PRKCA: variants seen among roughly 807,000 people sequenced by gnomAD.
PRKCA encodes the protein protein kinase C alpha.
A neutral mutation model predicts 87.0 loss-of-function variants in PRKCA; 27 were observed. That is an observed-to-expected ratio of 0.31 (90% CI 0.23 to 0.43). The LOEUF (loss-of-function observed/expected upper bound fraction) is 0.43. Among genes scored for constraint, PRKCA ranks in the 20% least tolerant of loss-of-function variants. PRKCA has a pLI of 1.00. For missense variants in PRKCA, 518 were observed against 852.3 expected, an observed-to-expected ratio of 0.61 and a Z score of 4.88; for synonymous variants, 329 against 311.1, an observed-to-expected ratio of 1.06 and a Z score of -0.61.
intron 2 of PRKCA, among the ~76,000 whole-genome samples, chr17:66,312,050 T>C (rs1905112443): frequency 6.6e-6 from 1 of 152,162 alleles, no homozygotes; most frequent in Non-Finnish European, 1.5e-5. Flanking sequence ...GGTGCAACTT[T>C]GGCTCACTGC....
chr17:66,485,837 A>G (rs1051420771), intron 2 of PRKCA, among the ~76,000 whole-genome samples: 1 of 152,170 alleles, frequency 6.6e-6, no homozygotes, highest in Non-Finnish European at 1.5e-5. Flanking sequence ...TGCAACTCAC[A>G]CTCAAACCCC....
intron 2 of PRKCA, among the ~76,000 whole-genome samples, chr17:66,387,709 A>G (rs1015828334): frequency 1.3e-5 from 2 of 152,200 alleles, no homozygotes; most frequent in African/African-American, 2.4e-5. Flanking sequence ...TGGGGCTCCA[A>G]CTGAATTCCT....
rs573135001 is a variant in PRKCA at position 66,553,437 on chromosome 17, G to A, written c.288+57154G>A. ...CCCTGAGCTCTCCTACTGACGTTTT[G>A]GAATATTTTCACAGATTCTTGAATA... On this transcript the variant is annotated intron_variant, in intron 3 of 16. Transcript: ENST00000413366. 2.0e-5 allele frequency among the ~76,000 whole-genome samples: 3 copies of A among 152,184 alleles called. No individual in the cohort carries two copies. The South Asian group carries it at 6.2e-4, about 32-fold the overall frequency.
intron 3 of PRKCA, among the ~76,000 whole-genome samples, chr17:66,621,988 G>A (rs1182833675): frequency 6.6e-6 from 1 of 152,084 alleles, no homozygotes; most frequent in Admixed American, 6.6e-5. Context: ...GATTGCTTGA[G>A]GCCAGGAGTT....
chr17:66,427,340 T>A (rs1033874018), intron 2 of PRKCA, among the ~76,000 whole-genome samples: 8 of 152,226 alleles, frequency 5.3e-5, no homozygotes, highest in Non-Finnish European at 1.5e-5. Context: ...CCTCACTTGT[T>A]TTTTGTAAAT....
At chr17:66,370,226 T>TA (rs1166140408) in intron 2 of PRKCA, among the ~76,000 whole-genome samples, 3 of 99,546 alleles carry the variant, frequency 3.0e-5, no homozygotes, top group Non-Finnish European at 5.9e-5. Flanking sequence ...GCTATTTTGA[T>TA]ACTTTTTTTT....
chr17:66,449,606 A>G (rs888410165), intron 2 of PRKCA, among the ~76,000 whole-genome samples: 2 of 152,154 alleles, frequency 1.3e-5, no homozygotes, highest in African/African-American at 4.8e-5. Context: ...AGTCAAGTAC[A>G]GTTTAGTCTG....
intron 3 of PRKCA, among the ~76,000 whole-genome samples, chr17:66,551,871 G>C (rs1321849373): frequency 6.6e-6 from 1 of 152,146 alleles, no homozygotes; most frequent in African/African-American, 2.4e-5. Context: ...TAGATCTGAA[G>C]TGCATAGTTT....
At chr17:66,622,681 G>T (rs1970720027) in intron 3 of PRKCA, among the ~76,000 whole-genome samples, 1 of 152,206 alleles carries the variant, frequency 6.6e-6, no homozygotes, top group Non-Finnish European at 1.5e-5. Flanking sequence ...GGGAAGAAAA[G>T]TAGGTCTAAT....
intron 8 of PRKCA, among the ~76,000 whole-genome samples, chr17:66,694,481 A>C (rs1191767325): frequency 2.7e-5 from 2 of 72,880 alleles, no homozygotes; most frequent in Non-Finnish European, 5.8e-5. Context: ...ACTCTGTCTC[A>C]AAAAAAAAAA....
rs1465763506 is a variant in PRKCA at position 66,754,513 on chromosome 17, G to A, written c.1524+11753G>A. Among the ~76,000 whole-genome samples, 115 of 152,132 alleles carry A rather than the reference G, an allele frequency of 7.6e-4. 1 individual carries two copies. Among genetic ancestry groups the A allele is most frequent in the South Asian group, 2.1e-4 (1 of 4,820 alleles). ...GGTAAACGAGGGTACGACCTAGCACGGTGCTGGCTTAAAGACTGTGCTCAG... is the reference window on the plus strand; with the variant it reads ...GGTAAACGAGGGTACGACCTAGCACAGTGCTGGCTTAAAGACTGTGCTCAG... On this transcript the variant is annotated intron_variant, in intron 13 of 16. Transcript: ENST00000413366.
At chr17:66,739,735 T>G (rs1186930652) in intron 11 of PRKCA, among the ~76,000 whole-genome samples, 1 of 140,482 alleles carries the variant, frequency 7.1e-6, no homozygotes, top group East Asian at 2.1e-4. Flanking sequence ...TCAGCAGGTG[T>G]GGGAGATGCT....
intron 3 of PRKCA, among the ~76,000 whole-genome samples, chr17:66,519,032 TA>T (rs934137465): frequency 6.6e-6 from 1 of 152,140 alleles, no homozygotes; most frequent in Non-Finnish European, 1.5e-5. Context: ...TTGACACCCA[TA>T]AACACTACAC....
intron 2 of PRKCA, among the ~76,000 whole-genome samples, chr17:66,432,469 G>A (rs1207162195): frequency 1.3e-5 from 2 of 152,136 alleles, no homozygotes; most frequent in African/African-American, 4.8e-5. Context: ...GACCCTCAGG[G>A]AGAATCTTCC....
At chr17:66,709,598 C>T (rs1973274357) in intron 8 of PRKCA, among the ~76,000 whole-genome samples, 1 of 152,062 alleles carries the variant, frequency 6.6e-6, no homozygotes, top group Non-Finnish European at 1.5e-5. Context: ...CATGAGCCAC[C>T]ATGCCCGGCC....
intron 16 of PRKCA, among the ~76,000 whole-genome samples, chr17:66,791,837 A>G (rs1019966564): frequency 2.0e-5 from 3 of 152,266 alleles, no homozygotes; most frequent in African/African-American, 7.2e-5. Flanking sequence ...CTAGCGGCGT[A>G]GAAAAGTTAT....
intron 2 of PRKCA, among the ~76,000 whole-genome samples, chr17:66,445,301 C>G (rs1452974342): frequency 2.0e-5 from 3 of 152,206 alleles, no homozygotes; most frequent in Non-Finnish European, 4.4e-5. Context: ...AGAGTGAAAA[C>G]TGAGCTCTGT....
intron 3 of PRKCA, among the ~76,000 whole-genome samples, chr17:66,586,158 C>T (rs771846896): frequency 1.2e-4 from 18 of 152,140 alleles, no homozygotes; most frequent in Non-Finnish European, 2.1e-4. Context: ...TGCTATGGCA[C>T]CATAACCTTG....
intron 2 of PRKCA, among the ~76,000 whole-genome samples, chr17:66,466,063 G>C (rs1405549008): frequency 1.3e-5 from 2 of 152,188 alleles, no homozygotes; most frequent in Non-Finnish European, 2.9e-5. Context: ...AAGAAACAGA[G>C]AAGCATTTTA....
Sources: gnomAD v4.1 joint callset for allele counts (sites outside exome capture counted in the v4.1 genomes callset) on GRCh38, gnomAD v4.1.1 for gene constraint, MANE v1.5 for transcripts, NCBI Gene and HGNC (gene_info 2026-07-23, HGNC 2026-07-21) for gene names.